Variants in KIAA0825 observed in about 807,000 individuals in gnomAD.
The protein encoded by KIAA0825 is uncharacterized protein KIAA0825.
In KIAA0825, 119 loss-of-function variants were observed where a neutral mutation model predicts 147.6. That is an observed-to-expected ratio of 0.81 (90% CI 0.69 to 0.94). The LOEUF (loss-of-function observed/expected upper bound fraction) is 0.94. Ranked by LOEUF, KIAA0825 falls within the 40% of genes least tolerant of loss-of-function variation. The pLI is 0.00. For synonymous variants in KIAA0825, 470 were observed against 518.1 expected, an observed-to-expected ratio of 0.91 and a Z score of 1.26; for missense variants, 1,381 against 1,472.7, an observed-to-expected ratio of 0.94 and a Z score of 1.02.
At chr5:94,568,673 A>G (rs1235426480) in intron 2 of KIAA0825, 2 of 152,292 alleles carry the variant, frequency 1.3e-5, no homozygotes, top group Admixed American at 1.3e-4. Context: ...CAAAATAAAA[A>G]ACCCACTGTG....
intron 5 of KIAA0825, among the ~76,000 whole-genome samples, chr5:94,516,816 C>T (rs1305438370): frequency 1.4e-5 from 2 of 146,018 alleles, no homozygotes; most frequent in African/African-American, 2.5e-5. Context: ...GAAAAGAAAA[C>T]GTGGCCAGGC....
In KIAA0825 at chr5:94,473,513, A is replaced by G; in HGVS notation, c.1234T>C (p.Leu412=). The part of the protein sequence containing the change: ...EQSLPGKEAT[L]LDFGWRSAFK... ...GCACTTCTCCAGCCAAAATCTAGTA[A>G]GGTAGCCTGAAATATCAATGTATAT... The change falls in exon 8 of 21, where the codon TTA becomes CTA. Residue 412 remains leucine, a synonymous_variant. Transcript: ENST00000682413. The G allele has an allele frequency of 6.5e-7, 1 of 1,547,800 alleles. No individual in the cohort carries two copies. Among genetic ancestry groups the G allele is most frequent in the South Asian group, 1.2e-5 (1 of 83,934 alleles).
intron 5 of KIAA0825, among the ~76,000 whole-genome samples, chr5:94,517,229 ATCT>A (rs1206415419): frequency 1.8e-4 from 28 of 152,212 alleles, no homozygotes; most frequent in South Asian, 4.1e-4. Context: ...AAACAGAGAA[ATCT>A]TCTTTTTTTG....
intron 7 of KIAA0825, among the ~76,000 whole-genome samples, chr5:94,476,105 A>G (rs1761865245): frequency 6.6e-6 from 1 of 152,202 alleles, no homozygotes; most frequent in Non-Finnish European, 1.5e-5. Flanking sequence ...AGCATAATAT[A>G]TAACTTAGGA....
At chr5:94,543,008 T>A (rs970643166) in intron 2 of KIAA0825, among the ~76,000 whole-genome samples, 1 of 152,114 alleles carries the variant, frequency 6.6e-6, no homozygotes, top group Admixed American at 6.6e-5. Flanking sequence ...CTGCACACAG[T>A]GTTTCTGTCC....
chr5:94,379,838 T>C (rs1050024821), intron 20 of KIAA0825, among the ~76,000 whole-genome samples: 11 of 149,366 alleles, frequency 7.4e-5, no homozygotes, highest in Non-Finnish European at 1.0e-4. Context: ...TCCTAGGTAT[T>C]TTATTCTTTT....
chr5:94,283,707 C>A (rs1777554461), intron 20 of KIAA0825, among the ~76,000 whole-genome samples: 1 of 152,086 alleles, frequency 6.6e-6, no homozygotes, highest in Admixed American at 6.6e-5. Flanking sequence ...TTAATGAGTT[C>A]TCAGTGAGTC....
At chr5:94,605,556 G>A (rs1787347006) in intron 1 of KIAA0825, among the ~76,000 whole-genome samples, 2 of 152,112 alleles carry the variant, frequency 1.3e-5, no homozygotes, top group South Asian at 4.1e-4. Context: ...ACATCAAAAA[G>A]CTTATGAAAC....
At chr5:94,613,328 C>T (rs1002983519) in intron 1 of KIAA0825, among the ~76,000 whole-genome samples, 1 of 152,026 alleles carries the variant, frequency 6.6e-6, no homozygotes, top group Non-Finnish European at 1.5e-5. Flanking sequence ...CCAGGAGTAG[C>T]TGGGATTACA....
intron 20 of KIAA0825, among the ~76,000 whole-genome samples, chr5:94,285,090 A>G (rs1311097943): frequency 2.0e-5 from 3 of 152,156 alleles, no homozygotes; most frequent in Non-Finnish European, 4.4e-5. Context: ...AAGATTATCA[A>G]TTGGTTAAAT....
At chr5:94,182,940 G>C (rs546059878) in intron 20 of KIAA0825, among the ~76,000 whole-genome samples, 1 of 152,138 alleles carries the variant, frequency 6.6e-6, no homozygotes, top group East Asian at 1.9e-4. Flanking sequence ...CAGGTTCTTA[G>C]TAATTATGGT....
intron 1 of KIAA0825, among the ~76,000 whole-genome samples, chr5:94,584,795 G>A (rs1006808832): frequency 5.9e-5 from 9 of 152,134 alleles, no homozygotes; most frequent in African/African-American, 2.2e-4. Flanking sequence ...AGAGAGAAAG[G>A]TCATGTTACC....
At chr5:94,362,357 A>G (rs1473065086) in intron 20 of KIAA0825, among the ~76,000 whole-genome samples, 3 of 152,332 alleles carry the variant, frequency 2.0e-5, no homozygotes, top group South Asian at 4.1e-4. Flanking sequence ...GGTAACATTC[A>G]TTCACTGTGC....
chr5:94,345,320 A>G (rs2150344695), intron 20 of KIAA0825, among the ~76,000 whole-genome samples: 1 of 152,200 alleles, frequency 6.6e-6, no homozygotes, highest in South Asian at 2.1e-4. Flanking sequence ...TCACAATAAA[A>G]TCTTTAAAAA....
intron 2 of KIAA0825, among the ~76,000 whole-genome samples, chr5:94,546,517 C>CAGAGAGAGAGAGAGAG (rs34483380): frequency 2.0e-5 from 3 of 149,062 alleles, no homozygotes; most frequent in African/African-American, 7.4e-5. Flanking sequence ...TGGCTCAGCA[C>CAGAGAGAGAGAGAGAG]AGAGAGAGAG....
chr5:94,485,432 C>T, intron 5 of KIAA0825, among the ~76,000 whole-genome samples: 1 of 151,744 alleles, frequency 6.6e-6, no homozygotes, highest in South Asian at 2.1e-4. Context: ...ATATAAAAGA[C>T]ATACTTGGGA....
At chr5:94,356,682 T>C (rs991544459) in intron 20 of KIAA0825, among the ~76,000 whole-genome samples, 1 of 149,822 alleles carries the variant, frequency 6.7e-6, no homozygotes, top group African/African-American at 2.5e-5. Context: ...GTCATGGGAC[T>C]CCAGACAAAA....
At chr5:94,373,689 G>A (rs1375245817) in intron 20 of KIAA0825, among the ~76,000 whole-genome samples, 1 of 152,032 alleles carries the variant, frequency 6.6e-6, no homozygotes, top group Non-Finnish European at 1.5e-5. Context: ...TCCCTCTCAT[G>A]GGAACTACAA....
chr5:94,470,723 T>C (rs1232136539), intron 9 of KIAA0825, among the ~76,000 whole-genome samples: 1 of 152,194 alleles, frequency 6.6e-6, no homozygotes, highest in Non-Finnish European at 1.5e-5. Context: ...TTATTCTACT[T>C]TTATCTTTAG....
Sources: gnomAD v4.1 joint callset for allele counts (sites outside exome capture counted in the v4.1 genomes callset) on GRCh38, gnomAD v4.1.1 for gene constraint, MANE v1.5 for transcripts, NCBI Gene and HGNC (gene_info 2026-07-23, HGNC 2026-07-21) for gene names.